Variants in FAM227A observed in about 807,000 individuals in gnomAD.
The protein encoded by FAM227A is protein FAM227A.
A neutral mutation model predicts 74.7 loss-of-function variants in FAM227A; 80 were observed. That is an observed-to-expected ratio of 1.07 (90% CI 0.89 to 1.29). The LOEUF (loss-of-function observed/expected upper bound fraction) is 1.29. Ranked by LOEUF, FAM227A falls within the 50% of genes most tolerant of loss-of-function variation. The pLI is 0.00. For synonymous variants in FAM227A, 237 were observed against 241.8 expected (o/e 0.98, Z 0.19); for missense variants, 654 against 683.4 (o/e 0.96, Z 0.48).
chr22:38,623,875 C>T lies in FAM227A; in HGVS notation c.851-596G>A, dbSNP rs188217526. 4.5e-4 allele frequency among the ~76,000 whole-genome samples: 69 copies of T among 152,188 alleles called. 1 individual carries two copies. The highest frequency in any genetic ancestry group is 6.8e-3 in the Middle Eastern group (2 of 294). On this transcript the variant is annotated intron_variant, in intron 9 of 16. Coordinates refer to ENST00000535113, the MANE Select transcript of FAM227A (RefSeq NM_001013647.2). ...TAGTGCCAGAAATGGTTTCTCTTTA[C>T]GTGTTTGACAGTGATGCTTCCAAGG... is the stretch of plus-strand genomic sequence containing the variant.
Position 38,583,337 on chromosome 22 carries a change from T to A in FAM227A, c.*2788A>T, listed in dbSNP as rs1178416443. 1.8e-5 allele frequency: 3 copies of A among 166,226 alleles called. No homozygotes were observed. Among genetic ancestry groups the A allele is most frequent in the Non-Finnish European group, 3.9e-5 (3 of 76,550 alleles). 10.3% of individuals were successfully genotyped at this position (166,226 alleles called of 1,614,324 possible). A position where few individuals can be genotyped will look rare whatever the true frequency, so the allele number is the denominator to read the frequency against. On this transcript the variant is annotated 3_prime_UTR_variant, in exon 17 of 17. Transcript: ENST00000535113. Reference sequence around the variant, plus strand: ...ACAGGCACCTGCCATTGTGCCCGGCTAATTTTTTTGTATTTTTAGTAGAGA... The same window carrying A: ...ACAGGCACCTGCCATTGTGCCCGGCAAATTTTTTTGTATTTTTAGTAGAGA...
chr22:38,597,141 G>C, intron 15 of FAM227A, 63 bp downstream of exon 15: 1 of 1,483,494 alleles, frequency 6.7e-7, no homozygotes, highest in Non-Finnish European at 9.2e-7. Context: ...TAAAAATGAT[G>C]ATGATCGTGT....
intron 12 of FAM227A, among the ~76,000 whole-genome samples, chr22:38,606,635 G>A (rs913134445): frequency 5.9e-5 from 9 of 152,142 alleles, no homozygotes; most frequent in Non-Finnish European, 1.3e-4. Context: ...TTTCCAGGGC[G>A]AATTGCCAGG....
At chr22:38,647,018 C>T (rs1029428705) in intron 2 of FAM227A, among the ~76,000 whole-genome samples, 7 of 151,602 alleles carry the variant, frequency 4.6e-5, no homozygotes, top group Admixed American at 3.9e-4. Context: ...GGCGTGGTGG[C>T]GGGTGCCTGT....
In FAM227A at chr22:38,625,314, G is replaced by A. The variant is rs190937122; in HGVS notation, c.850+866C>T. On this transcript the variant is annotated intron_variant, in intron 9 of 16. Coordinates refer to ENST00000535113, the MANE Select transcript of FAM227A (RefSeq NM_001013647.2). ...TGAGGCAGGAGAATGGCAAGAACCC[G>A]GAAGGCTGAGGTTGCAGTGAGCAGA... 6.1e-4 allele frequency among the ~76,000 whole-genome samples: 93 copies of A among 151,840 alleles called. 1 individual carries two copies. Among genetic ancestry groups the A allele is most frequent in the African/African-American group, 2.1e-3 (86 of 41,386 alleles).
At chr22:38,625,494 G>C (rs775129429) in intron 9 of FAM227A, among the ~76,000 whole-genome samples, 1 of 152,050 alleles carries the variant, frequency 6.6e-6, no homozygotes, top group Admixed American at 6.5e-5. Context: ...ATGGAGGGTA[G>C]AAGGGTGGGA....
intron 11 of FAM227A, among the ~76,000 whole-genome samples, chr22:38,615,301 G>C (rs2146324323): frequency 6.6e-6 from 1 of 152,338 alleles, no homozygotes; most frequent in African/African-American, 2.4e-5. Context: ...GAAGATTACA[G>C]GCTTGAGCCA....
At chr22:38,597,499 G>C in intron 14 of FAM227A, 143 bp from the exon 15 acceptor site, 1 of 814,630 alleles carries the variant, frequency 1.2e-6, no homozygotes, top group Non-Finnish European at 2.0e-6. Context: ...TAAGATACCT[G>C]AAATCTGAGC....
chr22:38,639,757 G>A, intron 3 of FAM227A, 33 bp from the exon 4 acceptor site: 1 of 1,397,010 alleles, frequency 7.2e-7, no homozygotes, highest in Non-Finnish European at 9.9e-7. Context: ...GGGCATTAGG[G>A]ATTAATGCAA....
In FAM227A at chr22:38,586,138, G is replaced by A. The variant is rs992382367; in HGVS notation, c.1700C>T (p.Thr567Ile). 4 of 1,551,806 alleles carry A rather than the reference G, an allele frequency of 2.6e-6. No individual in the cohort carries two copies. Among genetic ancestry groups the A allele is most frequent in the South Asian group, 1.2e-5 (1 of 84,064 alleles). ...ETEVEHFFPL[T>I]SKP The stretch of plus-strand genomic sequence containing the variant: ...TTGTGGAGCTCCTCAGGGCTTGGAA[G>A]TGAGTGGAAAGAAATGTTCAACTTC... The change falls in exon 17 of 17, where the codon ACT (threonine) becomes ATT (isoleucine). Residue 567 changes from threonine to isoleucine, a missense_variant. By Grantham distance (89) the Thr-to-Ile change is moderately conservative (BLOSUM62 -1). Coordinates refer to ENST00000535113, the MANE Select transcript of FAM227A (RefSeq NM_001013647.2).
chr22:38,601,543 G>A (rs1236191211), intron 13 of FAM227A, among the ~76,000 whole-genome samples: 2 of 152,104 alleles, frequency 1.3e-5, no homozygotes, highest in East Asian at 1.9e-4. Flanking sequence ...CTGAGCTGGG[G>A]TACAATATAA....
chr22:38,599,675 G>A (rs1182926308), intron 14 of FAM227A, 89 bp downstream of exon 14: 2 of 1,297,996 alleles, frequency 1.5e-6, no homozygotes, highest in Non-Finnish European at 2.1e-6. Flanking sequence ...CTGTGCTAAG[G>A]CCTGGGTGCC....
chr22:38,636,632 C>A, intron 5 of FAM227A, 35 bp from the exon 6 acceptor site: 1 of 1,538,348 alleles, frequency 6.5e-7, no homozygotes, highest in South Asian at 1.2e-5. Context: ...AAATGGGGTT[C>A]ACATTTTGAC....
At chr22:38,640,319 C>T (rs1400782385) in intron 3 of FAM227A, among the ~76,000 whole-genome samples, 1 of 152,164 alleles carries the variant, frequency 6.6e-6, no homozygotes, top group Non-Finnish European at 1.5e-5. Context: ...AGGTGTGAGC[C>T]ACCACGTCCA....
chr22:38,630,867 C>T (rs55648665), intron 6 of FAM227A, among the ~76,000 whole-genome samples: 11,118 of 152,180 alleles, frequency 0.073, 547 homozygotes, highest in Non-Finnish European at 0.1. Flanking sequence ...GACAGTGTTA[C>T]GAGTAAAAAT....
intron 13 of FAM227A, among the ~76,000 whole-genome samples, chr22:38,601,844 C>G (rs1246013244): frequency 2.6e-5 from 4 of 152,036 alleles, no homozygotes; most frequent in Non-Finnish European, 4.4e-5. Context: ...GTGGGACAAT[C>G]TGGGGAGGAA....
chr22:38,584,195 G>A lies in FAM227A; in HGVS notation c.*1930C>T, dbSNP rs1052903517. 1 of 152,174 alleles carries A rather than the reference G, an allele frequency of 6.6e-6. No individual in the cohort carries two copies. The highest frequency in any genetic ancestry group is 1.5e-5 in the Non-Finnish European group (1 of 68,076). The allele number at this position is 152,174 out of a possible 1,614,324, so 9.4% of individuals were successfully genotyped here. On this transcript the variant is annotated 3_prime_UTR_variant, in exon 17 of 17. Transcript: ENST00000535113. The stretch of plus-strand genomic sequence containing the variant: ...CATCCTTCTCTTTTTTCCAGATTGT[G>A]AGCCCCATAAGGTCAGGGACTGTGT...
rs1307544101 is a variant in FAM227A, at chr22:38,649,876, AAAAG to A, written c.142+147_142+150del. The A allele has an allele frequency of 1.2e-4, 86 of 700,316 alleles. 1 individual carries two copies. The highest frequency in any genetic ancestry group is 4.0e-4 in the Middle Eastern group (1 of 2,528). 43.4% of individuals were successfully genotyped at this position (700,316 alleles called of 1,614,324 possible). The stretch of plus-strand genomic sequence containing the variant: ...GTGTGAAACTCCATCTCAAAAAAAA[AAAAG>A]AAAGAAAAGAAAAGAAAAAATGAAT... On this transcript the variant is annotated intron_variant, in intron 2 of 16. Coordinates refer to ENST00000535113, the MANE Select transcript of FAM227A (RefSeq NM_001013647.2).
chr22:38,635,192 C>T (rs1187469639), intron 6 of FAM227A, among the ~76,000 whole-genome samples: 1 of 142,140 alleles, frequency 7.0e-6, no homozygotes. Flanking sequence ...CGCCACTGCA[C>T]TCTGTCCAGC....
Sources: gnomAD v4.1 joint callset for allele counts (sites outside exome capture counted in the v4.1 genomes callset) on GRCh38, gnomAD v4.1.1 for gene constraint, MANE v1.5 for transcripts, NCBI Gene and HGNC (gene_info 2026-07-23, HGNC 2026-07-21) for gene names.